The following IL34 variants were observed in gnomAD, a reference collection of about 807,000 sequenced individuals.
IL34 encodes interleukin 34.
Under a neutral mutation model 25.3 loss-of-function variants are expected in IL34, and 17 were observed. The ratio of observed to expected loss-of-function variants is 0.67; its 90% CI spans 0.46 to 1.01. IL34 has a LOEUF of 1.01. Among genes scored for constraint, IL34 ranks in the 50% least tolerant of loss-of-function variants. IL34 has a pLI of 0.00. For missense variants in IL34, 368 were observed against 312.9 expected (o/e 1.18, Z -1.33); for synonymous variants, 174 against 140.9 (o/e 1.23, Z -1.66).
chr16:70,629,431 T>C (rs760605218), intron 1 of IL34, among the ~76,000 whole-genome samples: 2 of 152,198 alleles, frequency 1.3e-5, no homozygotes, highest in Admixed American at 6.5e-5. Flanking sequence ...TGTCCTTTTG[T>C]ATACTTGCGG....
intron 1 of IL34, among the ~76,000 whole-genome samples, chr16:70,636,771 C>CAAAAA (rs148101023): frequency 8.0e-5 from 12 of 150,860 alleles, no homozygotes; most frequent in Non-Finnish European, 1.8e-4. Context: ...CTGTCTCAAA[C>CAAAAA]AAACAAAACA....
intron 1 of IL34, among the ~76,000 whole-genome samples, chr16:70,589,312 T>A (rs2050726889): frequency 6.6e-6 from 1 of 152,154 alleles, no homozygotes; most frequent in Admixed American, 6.5e-5. Flanking sequence ...GGCAAACTCA[T>A]GGGGGTTTGT....
At chr16:70,599,162 C>T (rs562414991) in intron 1 of IL34, among the ~76,000 whole-genome samples, 1 of 152,300 alleles carries the variant, frequency 6.6e-6, no homozygotes, top group African/African-American at 2.4e-5. Context: ...CGCACGTTGT[C>T]AGAGAGCCAA....
chr16:70,619,883 T>A (rs1382311331), intron 1 of IL34, among the ~76,000 whole-genome samples: 1 of 152,222 alleles, frequency 6.6e-6, no homozygotes, highest in Non-Finnish European at 1.5e-5. Context: ...AATCCCGGGC[T>A]GCCGGCATTC....
chr16:70,656,803 G>T (rs1424918288), intron 3 of IL34, 124 bp downstream of exon 3: 18 of 1,014,058 alleles, frequency 1.8e-5, no homozygotes, highest in Non-Finnish European at 2.8e-5. Context: ...TCAGCCCCGA[G>T]AGCAGGCTGG....
At chr16:70,600,764 A>G (rs370618990) in intron 1 of IL34, among the ~76,000 whole-genome samples, 1 of 152,192 alleles carries the variant, frequency 6.6e-6, no homozygotes, top group East Asian at 1.9e-4. Flanking sequence ...CGTGGAAAAA[A>G]GTATTTGGGA....
At chr16:70,585,989 A>G (rs2050690352) in intron 1 of IL34, among the ~76,000 whole-genome samples, 1 of 151,576 alleles carries the variant, frequency 6.6e-6, no homozygotes, top group East Asian at 2.0e-4. Flanking sequence ...GCCCACCACC[A>G]TGCCCGGCTA....
At chr16:70,591,676 C>T (rs562268710) in intron 1 of IL34, among the ~76,000 whole-genome samples, 4 of 152,146 alleles carry the variant, frequency 2.6e-5, no homozygotes, top group African/African-American at 9.7e-5. Context: ...TGTCATTTAC[C>T]TCTGTGCCAG....
chr16:70,597,935 T>A (rs542962943), intron 1 of IL34, among the ~76,000 whole-genome samples: 1 of 152,142 alleles, frequency 6.6e-6, no homozygotes, highest in Non-Finnish European at 1.5e-5. Flanking sequence ...CCTCCTGAGT[T>A]CAAGCTATTC....
At chr16:70,616,983 T>G (rs2051182569) in intron 1 of IL34, among the ~76,000 whole-genome samples, 1 of 152,044 alleles carries the variant, frequency 6.6e-6, no homozygotes, top group South Asian at 2.1e-4. Flanking sequence ...CGAAAATTTT[T>G]GGGGGGTGGT....
chr16:70,637,696 A>G (rs536240333), intron 1 of IL34, among the ~76,000 whole-genome samples: 2 of 152,294 alleles, frequency 1.3e-5, no homozygotes, highest in African/African-American at 2.4e-5. Flanking sequence ...AATTTTTTAT[A>G]TACATATATA....
At chr16:70,642,320 C>A (rs1439508005), upstream of IL34, among the ~76,000 whole-genome samples, 5 of 121,578 alleles carry the variant, frequency 4.1e-5, no homozygotes, top group Admixed American at 2.9e-4. Flanking sequence ...TTTTTTGAGA[C>A]GGAGTCTCAC....
At chr16:70,645,810 T>C (rs1280205364), upstream of IL34, among the ~76,000 whole-genome samples, 1 of 152,078 alleles carries the variant, frequency 6.6e-6, no homozygotes, top group African/African-American at 2.4e-5. Flanking sequence ...TCCCAGCACT[T>C]TGGGAGGCCA....
intron 1 of IL34, among the ~76,000 whole-genome samples, chr16:70,632,075 C>G (rs1244533467): frequency 6.8e-6 from 1 of 147,500 alleles, no homozygotes; most frequent in African/African-American, 2.5e-5. Context: ...GCACTTCAGC[C>G]TGGGTGATAG....
rs577256875 is a variant in IL34 at position 70,617,594 on chromosome 16, C to T, written c.-400-28954C>T. 5.9e-5 allele frequency among the ~76,000 whole-genome samples: 9 copies of T among 152,266 alleles called. No individual in the cohort carries two copies. The East Asian group carries it at 9.6e-4, about 16-fold the overall frequency. The stretch of plus-strand genomic sequence containing the variant: ...ATGGGCTGTACCCCCTGTAGCATTC[C>T]GAAGACAGGCCTGAATTCTGAGAAG... On this transcript the variant is annotated intron_variant, in intron 1 of 6. Coordinates refer to the IL34 transcript ENST00000429149.
In IL34 at chr16:70,608,068, G is replaced by A. The variant is rs115637525; in HGVS notation, c.-401+28019G>A. ...CAGGCGTGAGCCACCTTGCCCGGCC[G>A]GTTTTTCTTTTTTTAGTTTGTTAAC... On this transcript the variant is annotated intron_variant, in intron 1 of 6. Coordinates refer to the IL34 transcript ENST00000429149. Among the ~76,000 whole-genome samples, 358 of 148,948 alleles carry A rather than the reference G, an allele frequency of 2.4e-3. 3 individuals are homozygous for A. The highest frequency in any genetic ancestry group is 8.2e-3 in the African/African-American group (334 of 40,492).
Position 70,595,904 on chromosome 16 carries a change from A to G in IL34, c.-401+15855A>G, listed in dbSNP as rs372645675. On this transcript the variant is annotated intron_variant, in intron 1 of 6. Coordinates refer to the IL34 transcript ENST00000429149. ...TGTGCACCTGTAGTCTCAGCTACTCAGGAGGCTGAGACAGGAGAATTGCTG... is the reference window on the plus strand; with the variant it reads ...TGTGCACCTGTAGTCTCAGCTACTCGGGAGGCTGAGACAGGAGAATTGCTG... 3.2e-4 allele frequency among the ~76,000 whole-genome samples: 49 copies of G among 152,028 alleles called. No homozygotes were observed. In the South Asian group the frequency reaches 0.01, roughly 32 times the overall value.
Position 70,606,259 on chromosome 16 carries a change from G to C in IL34, c.-401+26210G>C, listed in dbSNP as rs527291118. 5.3e-5 allele frequency among the ~76,000 whole-genome samples: 8 copies of C among 151,892 alleles called. No homozygotes were observed. The East Asian group carries it at 7.8e-4, about 15-fold the overall frequency. ...TAAAAATACAAAAAATTAGCCAGGC[G>C]TGGTGGTGGGTGCCTGTAGTCCCAC... On this transcript the variant is annotated intron_variant, in intron 1 of 6. Coordinates refer to the IL34 transcript ENST00000429149.
At chr16:70,603,650 G>C (rs1004230030) in intron 1 of IL34, among the ~76,000 whole-genome samples, 1 of 152,152 alleles carries the variant, frequency 6.6e-6, no homozygotes, top group Non-Finnish European at 1.5e-5. Flanking sequence ...TTGGCTCACT[G>C]TAGCCTCAAT....
Sources: allele counts gnomAD v4.1 joint callset (sites outside exome capture counted in the v4.1 genomes callset), GRCh38; gene constraint gnomAD v4.1.1; transcripts MANE v1.5; gene names NCBI Gene and HGNC (gene_info 2026-07-23, HGNC 2026-07-21).